THSD4: variants seen among roughly 807,000 people sequenced by gnomAD.
THSD4 encodes the protein thrombospondin type 1 domain containing 4, also known as thrombospondin type-1 domain-containing protein 4.
In THSD4, 69 loss-of-function variants were observed where a neutral mutation model predicts 119.0. The ratio of observed to expected loss-of-function variants is 0.58; its 90% confidence interval spans 0.48 to 0.71. The LOEUF is 0.71. Among genes scored for constraint, THSD4 ranks in the 30% least tolerant of loss-of-function variants. The pLI, the probability that THSD4 is intolerant of heterozygous loss-of-function variation, is 0.00. For synonymous variants in THSD4, 524 were observed against 540.4 expected (o/e 0.97, Z 0.42); for missense variants, 1,393 against 1,391.1 (o/e 1.00, Z -0.02).
intron 17 of THSD4, among the ~76,000 whole-genome samples, chr15:71,775,422 T>C (rs893203263): frequency 6.6e-6 from 1 of 151,950 alleles, no homozygotes; most frequent in Non-Finnish European, 1.5e-5. Flanking sequence ...TGACAACCTG[T>C]GTCTAAAGTT....
chr15:71,308,912 A>G (rs766890011), intron 6 of THSD4, among the ~76,000 whole-genome samples: 3 of 152,158 alleles, frequency 2.0e-5, no homozygotes, highest in Non-Finnish European at 4.4e-5. Context: ...GTTATTGTCC[A>G]TCTTTTTAAC....
intron 7 of THSD4, among the ~76,000 whole-genome samples, chr15:71,450,445 G>A (rs1201553929): frequency 6.6e-6 from 1 of 152,162 alleles, no homozygotes; most frequent in Admixed American, 6.5e-5. Flanking sequence ...TTTGGGTTTG[G>A]GCTCAGAAGA....
intron 4 of THSD4, among the ~76,000 whole-genome samples, chr15:71,232,049 C>G (rs1465554954): frequency 6.6e-6 from 1 of 152,122 alleles, no homozygotes; most frequent in African/African-American, 2.4e-5. Context: ...CTCCCTTCCT[C>G]CCAGCTTGCC....
At position 71,368,343 on chromosome 15, in the gene THSD4, A is replaced by G. The variant is rs539108715; in HGVS notation, c.1016-43344A>G. On this transcript the variant is annotated intron_variant, in intron 6 of 17. Transcript: ENST00000261862. ...GTTGCCATTGCTTTTGGTGTTTTAG[A>G]CATGAAGTCCTTGCCCATGCCTATG... Among the ~76,000 whole-genome samples, 115 of 152,220 alleles carry G rather than the reference A, an allele frequency of 7.6e-4. 1 individual carries two copies. Among genetic ancestry groups the G allele is most frequent in the African/African-American group, 2.7e-3 (111 of 41,530 alleles).
chr15:71,553,326 C>CTT (rs11288031), intron 7 of THSD4, among the ~76,000 whole-genome samples: 1 of 133,498 alleles, frequency 7.5e-6, no homozygotes. Context: ...TTCTACTAGA[C>CTT]TTTTTTTTTT....
intron 16 of THSD4, chr15:71,766,664 C>G (rs552191365): frequency 6.6e-6 from 1 of 152,210 alleles, no homozygotes; most frequent in Admixed American, 6.5e-5. Flanking sequence ...GATACAATAA[C>G]AGATCGCAGT....
intron 7 of THSD4, among the ~76,000 whole-genome samples, chr15:71,514,854 G>A (rs947813311): frequency 3.9e-5 from 6 of 151,918 alleles, no homozygotes; most frequent in African/African-American, 1.5e-4. Flanking sequence ...TCTATCAGAG[G>A]GTATAATTTC....
intron 7 of THSD4, among the ~76,000 whole-genome samples, chr15:71,624,998 TTTTGTTTGTTTG>T (rs57292672): frequency 1.3e-5 from 2 of 150,942 alleles, no homozygotes; most frequent in African/African-American, 2.4e-5. Context: ...TTTGTTGTTG[TTTTGTTTGTTTG>T]TTTGTTTGTT....
chr15:71,110,076 C>T (rs780752294), intron 1 of THSD4, among the ~76,000 whole-genome samples: 3 of 152,168 alleles, frequency 2.0e-5, no homozygotes, highest in Non-Finnish European at 2.9e-5. Context: ...GCTGATTAGC[C>T]TCAAACAGAG....
At chr15:71,643,709 A>T (rs564282363) in intron 7 of THSD4, among the ~76,000 whole-genome samples, 3 of 152,350 alleles carry the variant, frequency 2.0e-5, no homozygotes, top group South Asian at 4.1e-4. Flanking sequence ...GCATTTAGTG[A>T]ACATGTGGCT....
At chr15:71,106,842 T>C (rs986087256) in intron 1 of THSD4, among the ~76,000 whole-genome samples, 1 of 151,772 alleles carries the variant, frequency 6.6e-6, no homozygotes, top group African/African-American at 2.4e-5. Context: ...ATTTGTACAT[T>C]GAGTCTTAAA....
chr15:71,595,017 T>C (rs1008794625), intron 7 of THSD4, among the ~76,000 whole-genome samples: 5 of 152,052 alleles, frequency 3.3e-5, no homozygotes, highest in Admixed American at 3.3e-4. Context: ...GGGAACTAAG[T>C]GGTGATATGG....
At chr15:71,217,048 C>A (rs1009000867) in intron 4 of THSD4, among the ~76,000 whole-genome samples, 1 of 152,142 alleles carries the variant, frequency 6.6e-6, no homozygotes, top group Non-Finnish European at 1.5e-5. Context: ...CTGCCCACCT[C>A]GGTCTCCCAA....
intron 7 of THSD4, among the ~76,000 whole-genome samples, chr15:71,568,226 A>G (rs1377631865): frequency 6.6e-6 from 1 of 152,190 alleles, no homozygotes; most frequent in Non-Finnish European, 1.5e-5. Flanking sequence ...TGCATGGGAA[A>G]ACCACAGAAT....
chr15:71,297,134 AT>A (rs970081217), intron 6 of THSD4, among the ~76,000 whole-genome samples: 129 of 150,678 alleles, frequency 8.6e-4, no homozygotes, highest in African/African-American at 2.8e-3. Flanking sequence ...CTTGTTATTT[AT>A]TTTTTTTTAA....
At chr15:71,152,268 T>G (rs2040729579) in intron 2 of THSD4, among the ~76,000 whole-genome samples, 3 of 151,716 alleles carry the variant, frequency 2.0e-5, no homozygotes, top group Admixed American at 2.0e-4. Flanking sequence ...ACTAAAAATA[T>G]AAAAATTAGC....
At chr15:71,374,285 G>A (rs535560895) in intron 6 of THSD4, among the ~76,000 whole-genome samples, 10 of 152,244 alleles carry the variant, frequency 6.6e-5, no homozygotes, top group East Asian at 1.9e-4. Flanking sequence ...CCATGAAGTC[G>A]ATATCTTCAT....
intron 8 of THSD4, among the ~76,000 whole-genome samples, chr15:71,710,497 C>A (rs1409514100): frequency 6.6e-6 from 1 of 152,200 alleles, no homozygotes; most frequent in Non-Finnish European, 1.5e-5. Context: ...ACATGAACAG[C>A]ATCAGCCAGA....
chr15:71,608,840 T>A (rs1567060629), intron 7 of THSD4, among the ~76,000 whole-genome samples: 1 of 152,212 alleles, frequency 6.6e-6, no homozygotes, highest in South Asian at 2.1e-4. Context: ...ATGCAATGAC[T>A]ATTATCCCCA....
Sources: gnomAD v4.1 joint callset for allele counts (sites outside exome capture counted in the v4.1 genomes callset) on GRCh38, gnomAD v4.1.1 for gene constraint, MANE v1.5 for transcripts, NCBI Gene and HGNC (gene_info 2026-07-23, HGNC 2026-07-21) for gene names.